IFI44L: variants seen among roughly 807,000 people sequenced by gnomAD.
The protein encoded by IFI44L is interferon-induced protein 44-like.
A neutral mutation model predicts 39.3 loss-of-function variants in IFI44L; 40 were observed. That is an observed-to-expected ratio of 1.02 (90% CI 0.79 to 1.33). IFI44L has a LOEUF of 1.33. Among genes scored for constraint, IFI44L ranks in the 40% most tolerant of loss-of-function variants. The pLI is 0.00. For synonymous variants in IFI44L, 198 were observed against 182.3 expected (o/e 1.09, Z -0.69); for missense variants, 623 against 549.0 (o/e 1.13, Z -1.35).
chr1:78,629,045 A>G, intron 3 of IFI44L, 46 bp downstream of exon 3: 4 of 1,178,278 alleles, frequency 3.4e-6, no homozygotes, highest in Non-Finnish European at 5.1e-6. Context: ...TATTTAGACC[A>G]ATTGTATAAA....
intron 4 of IFI44L, among the ~76,000 whole-genome samples, chr1:78,631,109 A>T (rs1233162958): frequency 6.6e-6 from 1 of 152,114 alleles, no homozygotes; most frequent in Non-Finnish European, 1.5e-5. Context: ...TTAAGAGAAG[A>T]TGTAGATACT....
rs1290766605 is a variant in IFI44L at position 78,625,069 on chromosome 1, TC to T, written c.-10-2835del. On this transcript the variant is annotated intron_variant, in intron 1 of 8. Coordinates refer to ENST00000370751, the MANE Select transcript of IFI44L (RefSeq NM_006820.4). ...TCAGTATTATCCTTCTTTCTTTCCTTCCTTTTTTTTTTTTGGTTTGCTAATA... is the reference window on the plus strand; with the variant it reads ...TCAGTATTATCCTTCTTTCTTTCCTTCTTTTTTTTTTTTGGTTTGCTAATA... Among the ~76,000 whole-genome samples, 4 of 151,722 alleles carry T rather than the reference TC, an allele frequency of 2.6e-5. No homozygotes were observed. The East Asian group carries it at 7.7e-4, about 29-fold the overall frequency.
Position 78,641,526 on chromosome 1 carries a change from A to C in IFI44L, c.1241A>C (p.Lys414Thr), listed in dbSNP as rs769617313. 6.2e-7 allele frequency: 1 copy of C among 1,613,630 alleles called. No individual in the cohort carries two copies. Among genetic ancestry groups the C allele is most frequent in the African/African-American group, 1.3e-5 (1 of 74,894 alleles). ...TCAGATTTGGAACTGGACCCCATGA[A>C]GGATATTCTCATCCTCTCTGCACTG... Reference protein sequence around the residue: ...YASDLELDPMKDILILSALRQ... With the variant: ...YASDLELDPMTDILILSALRQ... The change falls in exon 8 of 9, where the codon AAG becomes ACG. Residue 414 changes from lysine to threonine, a missense_variant. Physicochemically the swap from Lys to Thr is moderately conservative, Grantham distance 78 (BLOSUM62 -1). Transcript: ENST00000370751.
rs561655954 is a variant in IFI44L, at chr1:78,640,026, G to A, written c.1049-995G>A. On this transcript the variant is annotated intron_variant, in intron 6 of 8. Coordinates refer to ENST00000370751, the MANE Select transcript of IFI44L (RefSeq NM_006820.4). ...GAACTTAATAAACTGTCTAACAAAA[G>A]TCTGAGTAGTGAACATTAGATATAC... Among the ~76,000 whole-genome samples, 12 of 152,138 alleles carry A rather than the reference G, an allele frequency of 7.9e-5. No individual in the cohort carries two copies. The South Asian group carries it at 1.2e-3, about 16-fold the overall frequency.
intron 1 of IFI44L, chr1:78,626,567 C>T (rs1652494312): frequency 6.6e-6 from 1 of 152,060 alleles, no homozygotes; most frequent in Non-Finnish European, 1.5e-5. Context: ...CAGCTATGGA[C>T]ACTAGCAATT....
At chr1:78,625,285 G>A (rs984658440) in intron 1 of IFI44L, among the ~76,000 whole-genome samples, 1 of 151,878 alleles carries the variant, frequency 6.6e-6, no homozygotes, top group Non-Finnish European at 1.5e-5. Context: ...AGTTTTCTTG[G>A]GGAAGTCTTA....
chr1:78,643,226 A>G lies in IFI44L; in HGVS notation c.*1417A>G, dbSNP rs569168842. 1 of 151,886 alleles carries G rather than the reference A, an allele frequency of 6.6e-6. No homozygotes were observed. The highest frequency in any genetic ancestry group is 2.1e-4 in the South Asian group (1 of 4,804). 9.4% of individuals were successfully genotyped at this position (151,886 alleles called of 1,614,324 possible). A position where few individuals can be genotyped will look rare whatever the true frequency, so the allele number is the denominator to read the frequency against. ...TGAAGTTGTGCTCAAGTGAATGTTC[A>G]GGAGACACAATTCAGTGGAAGAAAT... On this transcript the variant is annotated 3_prime_UTR_variant, in exon 9 of 9. Transcript: ENST00000370751.
At chr1:78,633,964 C>T (rs1166856805) in intron 4 of IFI44L, among the ~76,000 whole-genome samples, 1 of 151,652 alleles carries the variant, frequency 6.6e-6, no homozygotes, top group Admixed American at 6.6e-5. Flanking sequence ...GCATCAACAG[C>T]AGAATTGATC....
intron 2 of IFI44L, 183 bp downstream of exon 2, chr1:78,628,576 G>T: frequency 1.8e-6 from 1 of 567,250 alleles, no homozygotes. Context: ...TATCCAGAAC[G>T]TATAGGCTGC....
intron 1 of IFI44L, chr1:78,625,986 T>C (rs957730580): frequency 2.0e-5 from 3 of 151,902 alleles, no homozygotes; most frequent in Non-Finnish European, 4.4e-5. Flanking sequence ...AATATTATAG[T>C]ACTTTGAAAA....
intron 4 of IFI44L, among the ~76,000 whole-genome samples, 155 bp from the exon 5 acceptor site, chr1:78,635,182 T>C (rs967019199): frequency 1.3e-5 from 2 of 152,090 alleles, no homozygotes; most frequent in East Asian, 3.8e-4. Context: ...ATCTTTGGGA[T>C]TCTCAATAAC....
At position 78,643,841 on chromosome 1, in the gene IFI44L, T is replaced by C. The variant is rs1647016408; in HGVS notation, c.*2032T>C. The C allele has an allele frequency of 6.6e-6, 1 of 152,128 alleles. No homozygotes were observed. 9.4% of individuals were successfully genotyped at this position (152,128 alleles called of 1,614,324 possible). ...GAAGTTAGTGCCTTGTGACCACATC[T>C]ATGTGACTTTTAGGCAGTAAGAAAC... On this transcript the variant is annotated 3_prime_UTR_variant, in exon 9 of 9. Transcript: ENST00000370751.
rs1050621386 is a variant in IFI44L at position 78,627,957 on chromosome 1, T to C, written c.42T>C (p.His14=). The part of the protein sequence containing the change: ...TTRLTWNDEN[H]LRKLLGNVSL... ...GATTGACATGGAATGATGAAAATCATCTGCGCAAGCTGCTTGGAAATGTTT... is the reference window on the plus strand; with the variant it reads ...GATTGACATGGAATGATGAAAATCACCTGCGCAAGCTGCTTGGAAATGTTT... The change falls in exon 2 of 9, where the codon CAT becomes CAC. Residue 14 remains histidine, a synonymous_variant. Transcript: ENST00000370751. The C allele has an allele frequency of 1.2e-6, 2 of 1,607,368 alleles. No individual in the cohort carries two copies. Among genetic ancestry groups the C allele is most frequent in the African/African-American group, 1.3e-5 (1 of 74,698 alleles).
At chr1:78,629,569 T>C (rs1652661460) in intron 3 of IFI44L, 151 bp from the exon 4 acceptor site, 1 of 511,136 alleles carries the variant, frequency 2.0e-6, no homozygotes, top group Admixed American at 3.7e-5. Flanking sequence ...CAAATCATAT[T>C]ATAGAAGATC....
chr1:78,629,770 A>G lies in IFI44L; in HGVS notation c.578A>G (p.Asp193Gly), dbSNP rs374290875. ...ADIRDYRPYA[D>G]LVSEIRILLV... The stretch of plus-strand genomic sequence containing the variant: ...ATCAGAGACTATAGGCCCTATGCAG[A>G]CTTGGTTTCAGAAATTCGTATTCTT... Residue 193 changes from aspartate to glycine, a missense_variant, in exon 4 of 9, where the codon GAC (aspartate) becomes GGC (glycine). Transcript: ENST00000370751. 4 of 1,613,768 alleles carry G rather than the reference A, an allele frequency of 2.5e-6. No homozygotes were observed. The highest frequency in any genetic ancestry group is 2.5e-6 in the Non-Finnish European group (3 of 1,179,784).
intron 6 of IFI44L, 131 bp downstream of exon 6, chr1:78,637,334 G>C (rs181869584): frequency 1.6e-6 from 1 of 643,204 alleles, no homozygotes; most frequent in African/African-American, 1.9e-5. Context: ...CCATCGGAGG[G>C]AGAGATCATT....
intron 1 of IFI44L, chr1:78,625,635 T>G (rs1652456630): frequency 6.6e-6 from 1 of 152,054 alleles, no homozygotes; most frequent in South Asian, 2.1e-4. Context: ...CATTAATATT[T>G]CTGTCCATTA....
chr1:78,625,376 T>A (rs1215485819), intron 1 of IFI44L, among the ~76,000 whole-genome samples: 1 of 152,072 alleles, frequency 6.6e-6, no homozygotes, highest in Non-Finnish European at 1.5e-5. Flanking sequence ...CTTTGGTAAG[T>A]TGTATTTTTC....
intron 6 of IFI44L, among the ~76,000 whole-genome samples, chr1:78,637,852 C>G (rs773877881): frequency 8.6e-5 from 13 of 152,034 alleles, no homozygotes; most frequent in Non-Finnish European, 1.8e-4. Flanking sequence ...ACAGTTTAAC[C>G]ATGCTCTATC....
Sources: allele counts gnomAD v4.1 joint callset (sites outside exome capture counted in the v4.1 genomes callset), GRCh38; gene constraint gnomAD v4.1.1; transcripts MANE v1.5; gene names NCBI Gene and HGNC (gene_info 2026-07-23, HGNC 2026-07-21).